CTNNA2: variants seen among roughly 807,000 people sequenced by gnomAD.
CTNNA2 encodes catenin alpha 2.
Under a neutral mutation model 101.0 loss-of-function variants are expected in CTNNA2, and 42 were observed. The ratio of observed to expected loss-of-function variants is 0.42; its 90% CI spans 0.32 to 0.54. The LOEUF is 0.54. CTNNA2 is among the 20% of genes least tolerant of loss of function. CTNNA2 has a pLI of 0.14. For synonymous variants in CTNNA2, 450 were observed against 456.4 expected (o/e 0.99, Z 0.18); for missense variants, 871 against 1,223.1 (o/e 0.71, Z 4.29).
chr2:80,422,862 C>A (rs1680652290), intron 9 of CTNNA2, among the ~76,000 whole-genome samples: 1 of 142,588 alleles, frequency 7.0e-6, no homozygotes, highest in South Asian at 2.1e-4. Context: ...ACTGATAAAA[C>A]AATGTGAGTG....
At chr2:79,316,253 C>T (rs751252784) in intron 3 of CTNNA2, among the ~76,000 whole-genome samples, 2 of 151,936 alleles carry the variant, frequency 1.3e-5, no homozygotes, top group Non-Finnish European at 2.9e-5. Flanking sequence ...ATCCAATTAA[C>T]CATATATGTA....
chr2:79,740,840 TTAACGTATGG>T (rs1671240755), intron 2 of CTNNA2, among the ~76,000 whole-genome samples: 1 of 151,994 alleles, frequency 6.6e-6, no homozygotes, highest in Non-Finnish European at 1.5e-5. Flanking sequence ...GTTTTTTTTT[TTAACGTATGG>T]TAACTTCTCT....
intron 7 of CTNNA2, among the ~76,000 whole-genome samples, chr2:80,012,366 A>G (rs943849130): frequency 1.3e-5 from 2 of 152,172 alleles, no homozygotes; most frequent in African/African-American, 4.8e-5. Flanking sequence ...AGAGCATAGC[A>G]ATTCTTGAGG....
chr2:80,136,775 C>G (rs1702720320), intron 7 of CTNNA2, among the ~76,000 whole-genome samples: 1 of 152,116 alleles, frequency 6.6e-6, no homozygotes, highest in African/African-American at 2.4e-5. Flanking sequence ...TGGCCACATA[C>G]TATGTTTATT....
At chr2:80,423,136 C>CT (rs1424010748) in intron 9 of CTNNA2, among the ~76,000 whole-genome samples, 2 of 151,992 alleles carry the variant, frequency 1.3e-5, no homozygotes, top group African/African-American at 4.8e-5. Flanking sequence ...TAAAAATAAG[C>CT]TTTCAGCTTT....
At chr2:79,941,262 T>G (rs1184926626) in intron 7 of CTNNA2, among the ~76,000 whole-genome samples, 2 of 152,240 alleles carry the variant, frequency 1.3e-5, no homozygotes, top group Non-Finnish European at 2.9e-5. Flanking sequence ...CCTTTCAATG[T>G]GGTCTTATAC....
At chr2:80,627,346 G>T (rs12611703) in intron 18 of CTNNA2, among the ~76,000 whole-genome samples, 55,549 of 151,926 alleles carry the variant, frequency 0.37, 10,812 homozygotes, top group East Asian at 0.45. Context: ...TTGTAAAAGC[G>T]TTCCTATTTC....
At chr2:79,888,578 A>G (rs2104187391) in intron 6 of CTNNA2, among the ~76,000 whole-genome samples, 1 of 152,368 alleles carries the variant, frequency 6.6e-6, no homozygotes, top group Middle Eastern at 3.4e-3. Flanking sequence ...AGCAAATAAA[A>G]GAATGAAATT....
At chr2:80,000,987 T>C (rs1314172545) in intron 7 of CTNNA2, among the ~76,000 whole-genome samples, 1 of 152,220 alleles carries the variant, frequency 6.6e-6, no homozygotes, top group African/African-American at 2.4e-5. Flanking sequence ...CCAGCCAGTA[T>C]GGGTACACCC....
chr2:79,936,602 A>G (rs1054706642), intron 7 of CTNNA2, among the ~76,000 whole-genome samples: 1 of 151,834 alleles, frequency 6.6e-6, no homozygotes, highest in Non-Finnish European at 1.5e-5. Context: ...GGCTTAATTA[A>G]AGTTGTCTAA....
At chr2:80,438,008 TCAAA>T (rs10562571) in intron 9 of CTNNA2, among the ~76,000 whole-genome samples, 31,018 of 151,704 alleles carry the variant, frequency 0.2, 4,326 homozygotes, top group African/African-American at 0.4. Flanking sequence ...AAACTCTGTC[TCAAA>T]CAAACAAACA....
intron 1 of CTNNA2, among the ~76,000 whole-genome samples, chr2:79,602,128 G>A (rs533400274): frequency 6.6e-5 from 10 of 152,286 alleles, no homozygotes; most frequent in East Asian, 1.9e-4. Context: ...AAGATCGTAA[G>A]TTGAACCATC....
rs1221388639 is a variant in CTNNA2 at position 80,555,906 on chromosome 2, A to G, written c.1741+13A>G. The G allele has an allele frequency of 3.4e-6, 5 of 1,470,856 alleles. No homozygotes were observed. Among genetic ancestry groups the G allele is most frequent in the South Asian group, 1.5e-5 (1 of 65,188 alleles). 91.1% of individuals were successfully genotyped at this position (1,470,856 alleles called of 1,614,324 possible). A position where few individuals can be genotyped will look rare whatever the true frequency, so the allele number is the denominator to read the frequency against. On this transcript the variant is annotated intron_variant, in intron 12 of 18. Transcript: ENST00000402739. Reference sequence around the variant, plus strand: ...CTTTCTGAAACAGGTAAGCATGGGTATTGGGTCTGGCCAAAATGTTAATGC... The same window carrying G: ...CTTTCTGAAACAGGTAAGCATGGGTGTTGGGTCTGGCCAAAATGTTAATGC...
chr2:79,820,335 G>A (rs955388147), intron 3 of CTNNA2, among the ~76,000 whole-genome samples: 1 of 152,008 alleles, frequency 6.6e-6, no homozygotes, highest in Non-Finnish European at 1.5e-5. Flanking sequence ...TAGCACCTGT[G>A]GAAGTTTTAT....
chr2:80,134,912 T>G (rs957905190), intron 7 of CTNNA2, among the ~76,000 whole-genome samples: 3 of 152,224 alleles, frequency 2.0e-5, no homozygotes, highest in Non-Finnish European at 4.4e-5. Context: ...ATCTTGGTTT[T>G]CTGCATTCCG....
chr2:79,955,397 C>A (rs1406453289), intron 7 of CTNNA2, among the ~76,000 whole-genome samples: 1 of 152,170 alleles, frequency 6.6e-6, no homozygotes, highest in Non-Finnish European at 1.5e-5. Flanking sequence ...GACTTTATTT[C>A]TTTAAGTCTG....
intron 7 of CTNNA2, among the ~76,000 whole-genome samples, chr2:79,935,644 T>C (rs548752109): frequency 6.6e-6 from 1 of 152,176 alleles, no homozygotes; most frequent in South Asian, 2.1e-4. Flanking sequence ...TGGTGTCACA[T>C]TGTAGTTATA....
intron 9 of CTNNA2, among the ~76,000 whole-genome samples, chr2:80,491,714 A>G (rs1396911732): frequency 6.6e-6 from 1 of 152,190 alleles, no homozygotes; most frequent in East Asian, 1.9e-4. Flanking sequence ...TTGTACTTGC[A>G]TAATTACTCA....
chr2:80,189,238 G>A (rs1706322395), intron 7 of CTNNA2, among the ~76,000 whole-genome samples: 3 of 152,172 alleles, frequency 2.0e-5, no homozygotes, highest in Non-Finnish European at 4.4e-5. Flanking sequence ...ACAGGCATGA[G>A]CCACTGCACC....
Sources: allele counts gnomAD v4.1 joint callset (sites outside exome capture counted in the v4.1 genomes callset), GRCh38; gene constraint gnomAD v4.1.1; transcripts MANE v1.5; gene names NCBI Gene and HGNC (gene_info 2026-07-23, HGNC 2026-07-21).